Variants in CDH18 observed in about 807,000 individuals in gnomAD.
CDH18 encodes the protein cadherin-18.
CDH18 carries 31 observed loss-of-function variants against 67.9 expected under a neutral mutation model. The ratio of observed to expected loss-of-function variants is 0.46; its 90% CI spans 0.34 to 0.62. CDH18 has a LOEUF of 0.62. Among genes scored for constraint, CDH18 ranks in the 20% least tolerant of loss-of-function variants. The pLI is 0.01. For missense variants in CDH18, 890 were observed against 975.5 expected (o/e 0.91, Z 1.17); for synonymous variants, 362 against 347.2 (o/e 1.04, Z -0.48).
intron 2 of CDH18, among the ~76,000 whole-genome samples, chr5:19,864,096 C>T (rs1162152534): frequency 1.3e-5 from 2 of 150,970 alleles, no homozygotes; most frequent in Non-Finnish European, 2.9e-5. Flanking sequence ...TATTGCGGCA[C>T]TATTCACAAC....
intron 1 of CDH18, among the ~76,000 whole-genome samples, chr5:20,366,191 C>G (rs1742503771): frequency 6.6e-6 from 1 of 152,102 alleles, no homozygotes; most frequent in African/African-American, 2.4e-5. Flanking sequence ...TGATGATCTT[C>G]CAGACCCACA....
intron 3 of CDH18, among the ~76,000 whole-genome samples, chr5:19,756,207 G>A (rs897155121): frequency 5.3e-5 from 8 of 152,080 alleles, no homozygotes; most frequent in African/African-American, 7.2e-5. Flanking sequence ...GTGCTGATAC[G>A]AAGTCAATAA....
At chr5:19,501,323 C>T (rs1318897541) in intron 11 of CDH18, among the ~76,000 whole-genome samples, 3 of 149,360 alleles carry the variant, frequency 2.0e-5, no homozygotes, top group Non-Finnish European at 4.4e-5. Flanking sequence ...TGGGATTTGG[C>T]CAGGGGCAGA....
rs1581529033 is a variant in CDH18, at chr5:19,826,925, G to A, written c.228+11834C>T. Among the ~76,000 whole-genome samples the A allele has an allele frequency of 1.4e-4, 21 of 152,166 alleles. 2 individuals carry two copies. The South Asian group carries it at 4.4e-3, about 32-fold the overall frequency. On this transcript the variant is annotated intron_variant, in intron 3 of 12. Coordinates refer to ENST00000382275, the MANE Select transcript of CDH18 (RefSeq NM_004934.5). ...AATGGGCTGAATGTCCCAGTTAAAG[G>A]CACAGAGTGGTAAGTGAGATGAAGA...
At chr5:20,173,036 A>G (rs1736961559) in intron 2 of CDH18, among the ~76,000 whole-genome samples, 1 of 152,100 alleles carries the variant, frequency 6.6e-6, no homozygotes, top group Non-Finnish European at 1.5e-5. Flanking sequence ...TCCATTGTCT[A>G]ATAAAAGTAC....
intron 2 of CDH18, among the ~76,000 whole-genome samples, chr5:20,134,187 T>C (rs1749504002): frequency 6.6e-6 from 1 of 152,120 alleles, no homozygotes; most frequent in Non-Finnish European, 1.5e-5. Context: ...GCCGCACTGG[T>C]CTCAAATTCT....
chr5:20,482,244 T>A (rs1752865208), intron 1 of CDH18, among the ~76,000 whole-genome samples: 1 of 151,786 alleles, frequency 6.6e-6, no homozygotes, highest in East Asian at 1.9e-4. Flanking sequence ...CATTAAGAAA[T>A]CAAAAACCTG....
chr5:20,366,020 A>G lies in CDH18; in HGVS notation c.-579-110515T>C, dbSNP rs1006270090. Among the ~76,000 whole-genome samples, 9 of 152,310 alleles carry G rather than the reference A, an allele frequency of 5.9e-5. 1 individual carries two copies. The East Asian group carries it at 1.4e-3, about 23-fold the overall frequency. ...ATTTCACTTTTTTATAATTTATTATATGCCCATAAAATACTTCCCTGGAGT... is the reference window on the plus strand; with the variant it reads ...ATTTCACTTTTTTATAATTTATTATGTGCCCATAAAATACTTCCCTGGAGT... On this transcript the variant is annotated intron_variant, in intron 1 of 14. Transcript: ENST00000507958.
chr5:19,785,091 C>A (rs1366930948), intron 3 of CDH18, among the ~76,000 whole-genome samples: 2 of 152,170 alleles, frequency 1.3e-5, no homozygotes, highest in Non-Finnish European at 2.9e-5. Flanking sequence ...CTCAGGCACA[C>A]ATTCTCAGGA....
chr5:20,388,957 G>T (rs905945668), intron 1 of CDH18, among the ~76,000 whole-genome samples: 2 of 152,154 alleles, frequency 1.3e-5, no homozygotes, highest in Non-Finnish European at 2.9e-5. Flanking sequence ...TTGCTGAGGA[G>T]TGCTTTACTT....
intron 1 of CDH18, among the ~76,000 whole-genome samples, chr5:20,364,349 G>T (rs1409536899): frequency 7.3e-6 from 1 of 136,616 alleles, no homozygotes. Flanking sequence ...TAGACTGTTT[G>T]TTTTTAAAGT....
At position 20,328,565 on chromosome 5, in the gene CDH18, T is replaced by G. The variant is rs890282520; in HGVS notation, c.-579-73060A>C. On this transcript the variant is annotated intron_variant, in intron 1 of 14. Transcript: ENST00000507958. The stretch of plus-strand genomic sequence containing the variant: ...TTGGGGAGAATTAGGAGAATTTCTT[T>G]TAATAAATTTAAAATATTATTAGAT... Among the ~76,000 whole-genome samples, 3 of 152,036 alleles carry G rather than the reference T, an allele frequency of 2.0e-5. No individual in the cohort carries two copies. In the East Asian group the frequency reaches 5.8e-4, roughly 29 times the overall value.
chr5:20,514,768 T>C (rs1755259408), intron 1 of CDH18, among the ~76,000 whole-genome samples: 1 of 152,158 alleles, frequency 6.6e-6, no homozygotes, highest in Non-Finnish European at 1.5e-5. Context: ...TAGTAAAGTT[T>C]AACATGACAT....
At chr5:20,362,298 C>T (rs1049289934) in intron 1 of CDH18, among the ~76,000 whole-genome samples, 4 of 151,252 alleles carry the variant, frequency 2.6e-5, no homozygotes, top group Admixed American at 1.3e-4. Flanking sequence ...GGACTGGGCT[C>T]AATGAAAAAA....
intron 1 of CDH18, among the ~76,000 whole-genome samples, chr5:20,501,569 A>ATTAT (rs1491455085): frequency 6.2e-5 from 1 of 16,188 alleles, no homozygotes; most frequent in African/African-American, 1.4e-4. Context: ...ATATATATAT[A>ATTAT]ATATATATAT....
At chr5:20,336,916 A>G (rs1160981666) in intron 1 of CDH18, among the ~76,000 whole-genome samples, 1 of 152,044 alleles carries the variant, frequency 6.6e-6, no homozygotes, top group Non-Finnish European at 1.5e-5. Context: ...GGTTTTGCTC[A>G]GGCACTCATG....
At chr5:19,986,587 G>A (rs1468079084) in intron 1 of CDH18, among the ~76,000 whole-genome samples, 2 of 152,174 alleles carry the variant, frequency 1.3e-5, no homozygotes, top group Non-Finnish European at 2.9e-5. Context: ...CTAAGTGAAT[G>A]TCTTCTAGGG....
intron 1 of CDH18, among the ~76,000 whole-genome samples, chr5:20,344,898 T>C (rs747047716): frequency 4.6e-5 from 7 of 152,174 alleles, no homozygotes; most frequent in Non-Finnish European, 8.8e-5. Context: ...GTTACCCATA[T>C]GACATTTGGT....
chr5:19,931,778 C>A (rs1342098727), intron 2 of CDH18, among the ~76,000 whole-genome samples: 2 of 151,946 alleles, frequency 1.3e-5, no homozygotes, highest in East Asian at 3.9e-4. Context: ...TTCCCCAAGT[C>A]CTTTATATAT....
Sources: allele counts gnomAD v4.1 joint callset (sites outside exome capture counted in the v4.1 genomes callset), GRCh38; gene constraint gnomAD v4.1.1; transcripts MANE v1.5; gene names NCBI Gene and HGNC (gene_info 2026-07-23, HGNC 2026-07-21).